ZBTB2: variants seen among roughly 807,000 people sequenced by gnomAD.
The protein encoded by ZBTB2 is zinc finger and BTB domain containing 2.
In ZBTB2, 2 loss-of-function variants were observed where a neutral mutation model predicts 39.5. That is an observed-to-expected ratio of 0.05 (90% CI 0.02 to 0.16). The LOEUF (loss-of-function observed/expected upper bound fraction) is 0.16, where lower values mean the gene tolerates loss of function less well. ZBTB2 is among the 10% of genes least tolerant of loss of function. ZBTB2 has a pLI of 1.00. For missense variants in ZBTB2, 391 were observed against 653.0 expected (o/e 0.60, Z 4.37); for synonymous variants, 251 against 256.6 (o/e 0.98, Z 0.21).
At chr6:151,390,602 A>T (rs1427460906) in intron 1 of ZBTB2, among the ~76,000 whole-genome samples, 1 of 150,968 alleles carries the variant, frequency 6.6e-6, no homozygotes, top group Non-Finnish European at 1.5e-5. Context: ...AGCCGGAGAC[A>T]GCGCGAGACC....
chr6:151,389,242 C>G (rs935605154), intron 1 of ZBTB2, among the ~76,000 whole-genome samples: 1 of 151,902 alleles, frequency 6.6e-6, no homozygotes. Context: ...GGCAACATAG[C>G]GAGATCCCTG....
At chr6:151,380,091 T>A (rs1029269230) in intron 1 of ZBTB2, among the ~76,000 whole-genome samples, 1 of 150,046 alleles carries the variant, frequency 6.7e-6, no homozygotes, top group African/African-American at 2.5e-5. Flanking sequence ...ACACTGAACA[T>A]AAGCATTCAA....
At position 151,373,870 on chromosome 6, in the gene ZBTB2, A is replaced by AAAAAACAAAAC. The variant is rs869078022; in HGVS notation, c.-12-222_-12-221insGTTTTGTTTTT. The stretch of plus-strand genomic sequence containing the variant: ...AAAAAAAAAAAAAAAAAAAAAAAAA[A>AAAAAACAAAAC]AAAAAAACCAGATGATGCCATTTAA... On this transcript the variant is annotated intron_variant, in intron 1 of 2. Transcript: ENST00000325144. Among the ~76,000 whole-genome samples, 706 of 123,492 alleles carry AAAAAACAAAAC rather than the reference A, an allele frequency of 5.7e-3. 40 individuals carry two copies. The highest frequency in any genetic ancestry group is 0.023 in the African/African-American group (659 of 28,080). The allele number at this position is 123,492 out of a possible 152,430, so 81.0% of individuals were successfully genotyped here. A position where few individuals can be genotyped will look rare whatever the true frequency, so the allele number is the denominator to read the frequency against.
Position 151,365,425 on chromosome 6 carries a change from T to A in ZBTB2, c.*96A>T. 8 of 1,398,948 alleles carry A rather than the reference T, an allele frequency of 5.7e-6. No homozygotes were observed. Among genetic ancestry groups the A allele is most frequent in the Non-Finnish European group, 7.8e-6 (8 of 1,028,370 alleles). The allele number at this position is 1,398,948 out of a possible 1,614,324, so 86.7% of individuals were successfully genotyped here. On this transcript the variant is annotated 3_prime_UTR_variant, in exon 3 of 3. Coordinates refer to ENST00000325144, the MANE Select transcript of ZBTB2 (RefSeq NM_020861.3). The surrounding 1 kb of genome is among the most constrained non-coding windows in gnomAD (Gnocchi z 5.6). ...GAGGAGAAGAGAACAAGGACCTGTT[T>A]GTATCATGCCATGGAGAACTACAGT... is the stretch of plus-strand genomic sequence containing the variant.
chr6:151,369,501 A>G (rs1189750464), intron 2 of ZBTB2, among the ~76,000 whole-genome samples: 1 of 152,044 alleles, frequency 6.6e-6, no homozygotes. Flanking sequence ...TTAAACTTTT[A>G]TAGAGACAGG....
chr6:151,387,348 GTGTCAACACTGAGAAGACATTT>G (rs57174991), intron 1 of ZBTB2, among the ~76,000 whole-genome samples: 53,189 of 151,884 alleles, frequency 0.35, 10,881 homozygotes, highest in East Asian at 0.68. Flanking sequence ...GATCTTCTCA[GTGTCAACACTGAGAAGACATTT>G]TGTCAACACA....
At chr6:151,378,718 T>C (rs1451083489) in intron 1 of ZBTB2, among the ~76,000 whole-genome samples, 6 of 152,244 alleles carry the variant, frequency 3.9e-5, no homozygotes, top group Non-Finnish European at 7.3e-5. Flanking sequence ...ATGCTGATCA[T>C]ATTTAGGCAG....
intron 2 of ZBTB2, among the ~76,000 whole-genome samples, chr6:151,368,564 C>T (rs1480912951): frequency 6.6e-6 from 1 of 151,654 alleles, no homozygotes; most frequent in Non-Finnish European, 1.5e-5. Flanking sequence ...AGTGATTCTC[C>T]TTCCTCAGCC....
At chr6:151,384,379 C>A (rs114520930) in intron 1 of ZBTB2, among the ~76,000 whole-genome samples, 2 of 152,098 alleles carry the variant, frequency 1.3e-5, no homozygotes, top group Non-Finnish European at 2.9e-5. Flanking sequence ...GGGTAACAAG[C>A]GGGCAAGTGA....
Position 151,366,283 on chromosome 6 carries a change from C to T in ZBTB2, c.783G>A (p.Arg261=). 1 of 1,614,078 alleles carries T rather than the reference C, an allele frequency of 6.2e-7. No individual in the cohort carries two copies. Among genetic ancestry groups the T allele is most frequent in the Non-Finnish European group, 8.5e-7 (1 of 1,180,012 alleles). The change falls in exon 3 of 3, where the codon CGG becomes CGA. Residue 261 remains arginine, a synonymous_variant. Coordinates refer to ENST00000325144, the MANE Select transcript of ZBTB2 (RefSeq NM_020861.3). This position sits in a 1 kb window ranked among gnomAD's most constrained non-coding sequence, Gnocchi z 7.1. The part of the protein sequence containing the change: ...PKYYACHLCG[R]RFTLRSSLRE... ...GTAAGCTGCTCCGGAGAGTGAAGCG[C>T]CGTCCACACAGGTGGCAGGCATAGT...
intron 1 of ZBTB2, among the ~76,000 whole-genome samples, chr6:151,385,874 A>G (rs1779139585): frequency 6.6e-6 from 1 of 152,236 alleles, no homozygotes; most frequent in Admixed American, 6.5e-5. Flanking sequence ...TTTTGAAGGT[A>G]GAAAATGCAT....
At chr6:151,391,269 C>A (rs1374775153) in intron 1 of ZBTB2, among the ~76,000 whole-genome samples, 151 bp downstream of exon 1, 1 of 151,768 alleles carries the variant, frequency 6.6e-6, no homozygotes, top group African/African-American at 2.4e-5. Flanking sequence ...AGCCCTGGTA[C>A]GAGGGTCATT....
rs77093708 is a variant in ZBTB2, at chr6:151,387,320, G to A, written c.-13+4100C>T. On this transcript the variant is annotated intron_variant, in intron 1 of 2. Transcript: ENST00000325144. ...ATCTGTTGGTCATTTGGAAAATATCGGCTCACTGAATTAAGCAGATCTTCT... is the reference window on the plus strand; with the variant it reads ...ATCTGTTGGTCATTTGGAAAATATCAGCTCACTGAATTAAGCAGATCTTCT... Among the ~76,000 whole-genome samples, 53 of 151,644 alleles carry A rather than the reference G, an allele frequency of 3.5e-4. 1 individual carries two copies. In the East Asian group the frequency reaches 9.7e-3, roughly 28 times the overall value.
chr6:151,372,611 C>T lies in ZBTB2; in HGVS notation c.173+854G>A, dbSNP rs1373384189. On this transcript the variant is annotated intron_variant, in intron 2 of 2. Coordinates refer to ENST00000325144, the MANE Select transcript of ZBTB2 (RefSeq NM_020861.3). Reference sequence around the variant, plus strand: ...TCCAGAGACACTGAGATGCCCTTTTCTCAAGACAGGAGAGATGAGAAGAAA... The same window carrying T: ...TCCAGAGACACTGAGATGCCCTTTTTTCAAGACAGGAGAGATGAGAAGAAA... Among the ~76,000 whole-genome samples the T allele has an allele frequency of 5.3e-5, 8 of 152,192 alleles. No individual in the cohort carries two copies. The East Asian group carries it at 1.5e-3, about 29-fold the overall frequency.
intron 1 of ZBTB2, among the ~76,000 whole-genome samples, chr6:151,384,878 G>A (rs1779119799): frequency 6.6e-6 from 1 of 152,166 alleles, no homozygotes; most frequent in African/African-American, 2.4e-5. Context: ...ATTGAACTCT[G>A]GTCTTCTGGG....
chr6:151,373,954 A>G (rs1044801879), intron 1 of ZBTB2, among the ~76,000 whole-genome samples: 9 of 151,260 alleles, frequency 6.0e-5, no homozygotes, highest in African/African-American at 2.2e-4. Context: ...TGGAGAAGCC[A>G]GGAAATGAAC....
At chr6:151,373,333 G>T in intron 2 of ZBTB2, 132 bp downstream of exon 2, 2 of 909,964 alleles carry the variant, frequency 2.2e-6, no homozygotes, top group African/African-American at 1.7e-5. Context: ...TAGTGGGGGC[G>T]AGTGAGGCCA....
At chr6:151,367,287 A>T (rs1310354432) in intron 2 of ZBTB2, among the ~76,000 whole-genome samples, 1 of 151,952 alleles carries the variant, frequency 6.6e-6, no homozygotes, top group Non-Finnish European at 1.5e-5. Flanking sequence ...CGCCCAGTTA[A>T]TTTTTGTATT....
chr6:151,369,310 C>T (rs1339837517), intron 2 of ZBTB2, among the ~76,000 whole-genome samples: 1 of 151,984 alleles, frequency 6.6e-6, no homozygotes, highest in African/African-American at 2.4e-5. Context: ...GCCAGGGATG[C>T]GAGGGCCCAA....
Sources: gnomAD v4.1 joint callset for allele counts (sites outside exome capture counted in the v4.1 genomes callset) on GRCh38, gnomAD v4.1.1 for gene constraint, Gnocchi (gnomAD v3.1) non-coding constraint, MANE v1.5 for transcripts, NCBI Gene and HGNC (gene_info 2026-07-23, HGNC 2026-07-21) for gene names.